The following IL1RAPL2 variants were observed in gnomAD, a reference collection of about 807,000 sequenced individuals.
IL1RAPL2 encodes interleukin 1 receptor accessory protein like 2.
In IL1RAPL2, 3 loss-of-function variants were observed where a neutral mutation model predicts 44.1. That is an observed-to-expected ratio of 0.07 (90% CI 0.03 to 0.18). The LOEUF is 0.18. Ranked by LOEUF, IL1RAPL2 falls within the 10% of genes least tolerant of loss-of-function variation. The probability of loss-of-function intolerance (pLI) is 1.00; values close to 1 mark genes in which losing one functional copy is unlikely to be tolerated. For missense variants in IL1RAPL2, 391 were observed against 496.4 expected, an observed-to-expected ratio of 0.79 and a Z score of 2.02; for synonymous variants, 181 against 178.8, an observed-to-expected ratio of 1.01 and a Z score of -0.10.
chrX:105,535,638 C>A (rs994098188), intron 6 of IL1RAPL2, among the ~76,000 whole-genome samples: 1 of 111,900 alleles, frequency 8.9e-6, no homozygotes, highest in Non-Finnish European at 1.9e-5. Context: ...CAAGCAACAA[C>A]CTGCATTCAT....
intron 4 of IL1RAPL2, among the ~76,000 whole-genome samples, chrX:105,249,056 C>T (rs578083871): frequency 2.7e-5 from 3 of 111,310 alleles, no homozygotes; most frequent in South Asian, 7.4e-4. Flanking sequence ...ATGTTTATTG[C>T]AGCACTATGC....
At chrX:104,850,976 G>A (rs1278272446) in intron 2 of IL1RAPL2, among the ~76,000 whole-genome samples, 1 of 111,270 alleles carries the variant, frequency 9.0e-6, no homozygotes, top group Non-Finnish European at 1.9e-5. Context: ...TAGTTGTCTA[G>A]AATTCCAGAG....
intron 6 of IL1RAPL2, among the ~76,000 whole-genome samples, chrX:105,631,114 A>C (rs1028300807): frequency 9.0e-6 from 1 of 111,343 alleles, no homozygotes; most frequent in Non-Finnish European, 1.9e-5. Context: ...TCAGCCAGGG[A>C]ATTTGCATAG....
intron 2 of IL1RAPL2, among the ~76,000 whole-genome samples, chrX:104,948,322 G>T (rs1465974213): frequency 9.2e-6 from 1 of 109,151 alleles, no homozygotes; most frequent in Non-Finnish European, 1.9e-5. Flanking sequence ...TTTGGGCTGA[G>T]ACAATGGGGT....
intron 5 of IL1RAPL2, among the ~76,000 whole-genome samples, chrX:105,312,216 G>A (rs762708831): frequency 9.0e-6 from 1 of 111,593 alleles, no homozygotes; most frequent in East Asian, 2.8e-4. Flanking sequence ...GGAAAGAAAG[G>A]ATTATGATAC....
chrX:105,254,730 A>G (rs1012681380), intron 4 of IL1RAPL2, among the ~76,000 whole-genome samples: 4 of 111,937 alleles, frequency 3.6e-5, no homozygotes, highest in African/African-American at 1.3e-4. Context: ...TAATTTTTGT[A>G]TATGATGTAA....
rs1929851624 is a variant in IL1RAPL2 at position 104,637,810 on chromosome X, GTGTGTGTGTGTGTCTGTGTGTC to G, written c.-19-21074_-19-21053del. Among the ~76,000 whole-genome samples, 7 of 109,502 alleles carry G rather than the reference GTGTGTGTGTGTGTCTGTGTGTC, an allele frequency of 6.4e-5. 1 individual carries two copies. In the South Asian group the frequency reaches 1.2e-3, roughly 18 times the overall value. On this transcript the variant is annotated intron_variant, in intron 1 of 10. Coordinates refer to ENST00000372582, the MANE Select transcript of IL1RAPL2 (RefSeq NM_017416.2). ...TGTGTGTGTGTGTGTGTCTGTGTGT[GTGTGTGTGTGTGTCTGTGTGTC>G]TGTGTGTGTGATTATATGGTTTTGG...
chrX:105,479,520 A>G (rs961645111), intron 5 of IL1RAPL2, among the ~76,000 whole-genome samples: 3 of 110,150 alleles, frequency 2.7e-5, no homozygotes, highest in African/African-American at 9.9e-5. Context: ...CGGGTGGATT[A>G]CCTGAGGTCG....
intron 2 of IL1RAPL2, among the ~76,000 whole-genome samples, chrX:104,819,277 C>G (rs1318038246): frequency 8.9e-6 from 1 of 112,149 alleles, no homozygotes; most frequent in African/African-American, 3.2e-5. Flanking sequence ...CAATTTATGA[C>G]TTTTTCACTT....
chrX:105,042,433 T>A (rs2031761137), intron 2 of IL1RAPL2, among the ~76,000 whole-genome samples: 1 of 109,306 alleles, frequency 9.1e-6, no homozygotes, highest in Non-Finnish European at 1.9e-5. Flanking sequence ...GAACAGACAC[T>A]TCTCAAAAGA....
intron 2 of IL1RAPL2, among the ~76,000 whole-genome samples, chrX:104,777,881 A>G (rs1213062712): frequency 4.5e-5 from 5 of 111,181 alleles, no homozygotes; most frequent in Non-Finnish European, 7.5e-5. Flanking sequence ...GAGCTATACC[A>G]AGAAGTGGAG....
chrX:105,084,856 G>C (rs139313003), intron 2 of IL1RAPL2, among the ~76,000 whole-genome samples: 1,894 of 111,848 alleles, frequency 0.017, 40 homozygotes, highest in African/African-American at 0.059. Context: ...ATCCCCACAT[G>C]TCGAGGGAGG....
At chrX:104,976,339 T>C (rs749902825) in intron 2 of IL1RAPL2, among the ~76,000 whole-genome samples, 121 of 111,831 alleles carry the variant, frequency 1.1e-3, no homozygotes, top group Middle Eastern at 4.2e-3. Flanking sequence ...GCCTTTGTTA[T>C]TTCTCCCTTT....
chrX:104,799,007 A>G (rs1932868655), intron 2 of IL1RAPL2, among the ~76,000 whole-genome samples: 1 of 111,042 alleles, frequency 9.0e-6, no homozygotes, highest in Non-Finnish European at 1.9e-5. Context: ...TATTATATAT[A>G]TGTTCTAAGT....
Position 105,273,029 on chromosome X carries a change from G to A in IL1RAPL2, c.697+5488G>A, listed in dbSNP as rs1280041597. On this transcript the variant is annotated intron_variant, in intron 5 of 10. Transcript: ENST00000372582. Reference sequence around the variant, plus strand: ...CAGTGGAACATAGCAATATGGTGGAGAGTTGGTGAAATAAATAGTAGCGGG... The same window carrying A: ...CAGTGGAACATAGCAATATGGTGGAAAGTTGGTGAAATAAATAGTAGCGGG... 2.7e-5 allele frequency among the ~76,000 whole-genome samples: 3 copies of A among 111,319 alleles called. No individual in the cohort carries two copies. The Admixed American group carries it at 2.9e-4, about 11-fold the overall frequency.
chrX:104,992,206 C>A (rs1384830687), intron 2 of IL1RAPL2, among the ~76,000 whole-genome samples: 1 of 110,730 alleles, frequency 9.0e-6, no homozygotes, highest in Non-Finnish European at 1.9e-5. Context: ...TTGGAAACAG[C>A]AGGAAACTAC....
In IL1RAPL2 at chrX:105,574,556, T is replaced by C. The variant is rs1049649745; in HGVS notation, c.772+90169T>C. Among the ~76,000 whole-genome samples the C allele has an allele frequency of 3.6e-5, 4 of 112,025 alleles. No individual in the cohort carries two copies. In the Admixed American group the frequency reaches 3.8e-4, roughly 11 times the overall value. ...TGATTCACAGCTCAATGACACTAGC[T>C]TTCCCAGAGCTGTCTTTCTTTAGTA... On this transcript the variant is annotated intron_variant, in intron 6 of 10. Coordinates refer to ENST00000372582, the MANE Select transcript of IL1RAPL2 (RefSeq NM_017416.2).
At chrX:104,677,587 G>A (rs1318869272) in intron 2 of IL1RAPL2, among the ~76,000 whole-genome samples, 3 of 112,623 alleles carry the variant, frequency 2.7e-5, no homozygotes, top group Non-Finnish European at 3.8e-5. Flanking sequence ...GGAGCCTACA[G>A]AGGCAGGCAG....
At chrX:105,372,091 A>G (rs1453751769) in intron 5 of IL1RAPL2, among the ~76,000 whole-genome samples, 1 of 111,238 alleles carries the variant, frequency 9.0e-6, no homozygotes, top group Admixed American at 9.6e-5. Flanking sequence ...CTAACAACAG[A>G]AGACTTATTA....
Sources: gnomAD v4.1 joint callset for allele counts (sites outside exome capture counted in the v4.1 genomes callset) on GRCh38, gnomAD v4.1.1 for gene constraint, MANE v1.5 for transcripts, NCBI Gene and HGNC (gene_info 2026-07-23, HGNC 2026-07-21) for gene names.